Variants in DLGAP2 observed in about 807,000 individuals in gnomAD.
DLGAP2 encodes disks large-associated protein 2.
A neutral mutation model predicts 100.3 loss-of-function variants in DLGAP2; 26 were observed. The ratio of observed to expected loss-of-function variants is 0.26; its 90% confidence interval spans 0.19 to 0.36. The LOEUF (loss-of-function observed/expected upper bound fraction) is 0.36, where lower values mean the gene tolerates loss of function less well. DLGAP2 is among the 10% of genes least tolerant of loss of function. The pLI is 1.00. For synonymous variants in DLGAP2, 886 were observed against 630.1 expected (o/e 1.41, Z -6.08); for missense variants, 1,858 against 1,453.2 (o/e 1.28, Z -4.53).
chr8:1,410,485 A>G (rs1400469071), intron 3 of DLGAP2, among the ~76,000 whole-genome samples: 1 of 152,162 alleles, frequency 6.6e-6, no homozygotes, highest in Admixed American at 6.5e-5. Flanking sequence ...CCACAGTTTC[A>G]TGGGGTCACT....
At position 1,685,474 on chromosome 8, in the gene DLGAP2, G is replaced by A. The variant is rs117522711; in HGVS notation, c.2705-6061G>A. On this transcript the variant is annotated intron_variant, in intron 12 of 14. Transcript: ENST00000637795. ...GACCTCCTGGGAGATGCAGGTCATA[G>A]ACTGTGTCCATTTTGTGGATCAGAC... Among the ~76,000 whole-genome samples the A allele has an allele frequency of 8.5e-5, 13 of 152,310 alleles. No individual in the cohort carries two copies. In the East Asian group the frequency reaches 2.5e-3, roughly 29 times the overall value.
At chr8:808,881 T>C (rs960699309) in intron 1 of DLGAP2, among the ~76,000 whole-genome samples, 1 of 151,778 alleles carries the variant, frequency 6.6e-6, no homozygotes, top group Non-Finnish European at 1.5e-5. Context: ...ACCTTTCACA[T>C]TGGATGATAA....
At chr8:1,191,377 A>C (rs182366200) in intron 2 of DLGAP2, among the ~76,000 whole-genome samples, 1 of 152,058 alleles carries the variant, frequency 6.6e-6, no homozygotes, top group Non-Finnish European at 1.5e-5. Context: ...TCACCGTGTT[A>C]GCCAGGATGG....
intron 1 of DLGAP2, chr8:753,605 G>C (rs1242728109): frequency 6.6e-6 from 1 of 152,324 alleles, no homozygotes; most frequent in East Asian, 1.9e-4. Flanking sequence ...AGCCACAGAC[G>C]GTGGATGGAG....
At chr8:829,487 G>T (rs1796742313) in intron 1 of DLGAP2, among the ~76,000 whole-genome samples, 1 of 152,108 alleles carries the variant, frequency 6.6e-6, no homozygotes, top group African/African-American at 2.4e-5. Flanking sequence ...AGTTTTTTTA[G>T]TTCAACAAGT....
At chr8:1,655,453 G>C (rs917902622) in intron 8 of DLGAP2, among the ~76,000 whole-genome samples, 4 of 152,170 alleles carry the variant, frequency 2.6e-5, no homozygotes, top group African/African-American at 4.8e-5. Flanking sequence ...GGCAATGCTT[G>C]CCATTCAAGG....
intron 2 of DLGAP2, among the ~76,000 whole-genome samples, chr8:1,119,019 ATTAC>A (rs150691202): frequency 0.036 from 5,506 of 152,268 alleles, 297 homozygotes; most frequent in African/African-American, 0.13. Context: ...TGACTGTATA[ATTAC>A]TTCATATAAA....
intron 6 of DLGAP2, among the ~76,000 whole-genome samples, chr8:1,585,712 C>T (rs1371020822): frequency 1.3e-5 from 2 of 152,200 alleles, no homozygotes; most frequent in African/African-American, 2.4e-5. Flanking sequence ...ACCACCCAGC[C>T]GTGGGCAGTG....
At chr8:1,553,723 G>C (rs375406398) in intron 5 of DLGAP2, among the ~76,000 whole-genome samples, 1 of 152,078 alleles carries the variant, frequency 6.6e-6, no homozygotes, top group African/African-American at 2.4e-5. Context: ...TTCGCTGAAG[G>C]ACGTGTTGCG....
chr8:1,211,394 C>T (rs1798101566), intron 2 of DLGAP2, among the ~76,000 whole-genome samples: 2 of 152,230 alleles, frequency 1.3e-5, no homozygotes, highest in African/African-American at 4.8e-5. Flanking sequence ...AGAAAAACAA[C>T]TTTGGGTGCA....
At chr8:1,587,946 G>T (rs558928287) in intron 6 of DLGAP2, among the ~76,000 whole-genome samples, 1 of 152,226 alleles carries the variant, frequency 6.6e-6, no homozygotes, top group African/African-American at 2.4e-5. Flanking sequence ...CTATACCAAT[G>T]AGCTACTTTT....
At chr8:1,454,455 G>T (rs1798249101) in intron 3 of DLGAP2, among the ~76,000 whole-genome samples, 1 of 135,126 alleles carries the variant, frequency 7.4e-6, no homozygotes, top group African/African-American at 2.5e-5. Flanking sequence ...GGGAGGGCAG[G>T]TCTTTCTGGC....
intron 2 of DLGAP2, among the ~76,000 whole-genome samples, chr8:1,126,846 A>G (rs1214457236): frequency 2.0e-5 from 3 of 152,044 alleles, no homozygotes; most frequent in Non-Finnish European, 2.9e-5. Flanking sequence ...TGTGGTGCAG[A>G]TGAGGGGCCT....
chr8:1,181,616 C>G (rs184455289), intron 2 of DLGAP2, among the ~76,000 whole-genome samples: 3 of 152,154 alleles, frequency 2.0e-5, no homozygotes, highest in African/African-American at 7.2e-5. Flanking sequence ...GTGAAATAAT[C>G]TATACAATAA....
chr8:1,304,418 CAT>C (rs1470941638), intron 3 of DLGAP2, among the ~76,000 whole-genome samples: 3 of 152,180 alleles, frequency 2.0e-5, no homozygotes, highest in Non-Finnish European at 4.4e-5. Flanking sequence ...GAAAGTTGTA[CAT>C]GAGATTTTTT....
intron 2 of DLGAP2, among the ~76,000 whole-genome samples, chr8:1,044,348 C>T (rs1232930045): frequency 6.6e-6 from 1 of 152,214 alleles, no homozygotes; most frequent in African/African-American, 2.4e-5. Context: ...TGTTGTGTTG[C>T]CTTGGCAAAG....
chr8:846,123 C>A (rs1585925202), intron 1 of DLGAP2, among the ~76,000 whole-genome samples: 1 of 152,122 alleles, frequency 6.6e-6, no homozygotes. Flanking sequence ...AAACATTGAC[C>A]ATTTCTTTGT....
At chr8:1,578,204 A>C (rs1329921116) in intron 6 of DLGAP2, among the ~76,000 whole-genome samples, 2 of 152,204 alleles carry the variant, frequency 1.3e-5, no homozygotes, top group African/African-American at 4.8e-5. Flanking sequence ...AATGATAATG[A>C]ATGTTTGCTT....
At chr8:1,526,073 C>A (rs1456087841) in intron 4 of DLGAP2, among the ~76,000 whole-genome samples, 1 of 151,560 alleles carries the variant, frequency 6.6e-6, no homozygotes, top group Non-Finnish European at 1.5e-5. Flanking sequence ...CTCTGAGCGT[C>A]ACCGTGGCAG....
Sources: gnomAD v4.1 joint callset for allele counts (sites outside exome capture counted in the v4.1 genomes callset) on GRCh38, gnomAD v4.1.1 for gene constraint, MANE v1.5 for transcripts, NCBI Gene and HGNC (gene_info 2026-07-23, HGNC 2026-07-21) for gene names.